Variants in TARBP1 observed in about 807,000 individuals in gnomAD.
TARBP1 encodes the protein tRNA guanosine 2 -O-methyltransferase TARBP1.
Under a neutral mutation model 178.6 loss-of-function variants are expected in TARBP1, and 144 were observed. That is an observed-to-expected ratio of 0.81 (90% CI 0.70 to 0.93). TARBP1 has a LOEUF of 0.93. Among genes scored for constraint, TARBP1 ranks in the 40% least tolerant of loss-of-function variants. TARBP1 has a pLI of 0.00. For synonymous variants in TARBP1, 787 were observed against 781.0 expected, an observed-to-expected ratio of 1.01 and a Z score of -0.13; for missense variants, 2,067 against 2,011.7, an observed-to-expected ratio of 1.03 and a Z score of -0.53.
At chr1:234,431,593 T>G (rs903214511) in intron 14 of TARBP1, among the ~76,000 whole-genome samples, 10 of 152,258 alleles carry the variant, frequency 6.6e-5, no homozygotes, top group Admixed American at 2.0e-4. Flanking sequence ...TTACCACATG[T>G]TAAGTGAAAA....
intron 17 of TARBP1, 23 bp downstream of exon 17, chr1:234,429,101 GAAAAGAAAAGCA>G: frequency 6.6e-7 from 1 of 1,521,628 alleles, no homozygotes; most frequent in Middle Eastern, 1.8e-4. Context: ...TCACACACAT[GAAAAGAAAAGCA>G]AAAAGAAAAG....
intron 27 of TARBP1, 75 bp downstream of exon 27, chr1:234,393,571 G>A (rs568423216): frequency 1.5e-5 from 23 of 1,576,564 alleles, no homozygotes; most frequent in South Asian, 3.5e-5. Flanking sequence ...TGAAGCTCCC[G>A]TGGCAGTGGA....
At chr1:234,393,057 G>A (rs1659556322) in intron 28 of TARBP1, among the ~76,000 whole-genome samples, 1 of 152,088 alleles carries the variant, frequency 6.6e-6, no homozygotes, top group South Asian at 2.1e-4. Context: ...CCTACATCAA[G>A]AGTGGGCTGT....
In TARBP1 at chr1:234,433,409, C is replaced by A; in HGVS notation, c.2394+1G>T. 1 of 1,613,568 alleles carries A rather than the reference C, an allele frequency of 6.2e-7. No individual in the cohort carries two copies. The highest frequency in any genetic ancestry group is 8.5e-7 in the Non-Finnish European group (1 of 1,179,908). On this transcript the variant is annotated splice_donor_variant, in intron 14 of 29. Transcript: ENST00000040877. LOFTEE classifies it high-confidence loss of function. ...ACAAACCTTGAATCAAAGAGGCTTA[C>A]CTGTCCACTGTCCATCTCTTGAAGA...
chr1:234,448,693 T>G, intron 10 of TARBP1, 114 bp from the exon 11 acceptor site: 146 of 718,818 alleles, frequency 2.0e-4, no homozygotes, highest in Non-Finnish European at 2.8e-4. Flanking sequence ...ATGAGAGAAA[T>G]ACAACCGAGA....
chr1:234,414,533 G>C (rs1662202011), intron 22 of TARBP1, among the ~76,000 whole-genome samples: 1 of 152,178 alleles, frequency 6.6e-6, no homozygotes, highest in African/African-American at 2.4e-5. Flanking sequence ...GCAAGAATAA[G>C]AAAATGGTCA....
chr1:234,450,641 G>A (rs1558227307), intron 9 of TARBP1, 75 bp from the exon 10 acceptor site: 24 of 1,490,406 alleles, frequency 1.6e-5, no homozygotes, highest in African/African-American at 1.4e-4. Flanking sequence ...CTTAAGCCAC[G>A]TTTCTTTCTT....
At chr1:234,429,828 T>G (rs1558194178) in intron 15 of TARBP1, 151 bp from the exon 16 acceptor site, 1 of 984,756 alleles carries the variant, frequency 1.0e-6, no homozygotes, top group East Asian at 2.5e-5. Context: ...TACCAAAAAC[T>G]AAGGAAACCA....
At chr1:234,461,296 G>C (rs1667832097) in intron 6 of TARBP1, among the ~76,000 whole-genome samples, 1 of 150,814 alleles carries the variant, frequency 6.6e-6, no homozygotes, top group Non-Finnish European at 1.5e-5. Context: ...TTTTTAAAAG[G>C]TAATTTTTTG....
rs780439799 is a variant in TARBP1, at chr1:234,429,529, G to A, written c.2758C>T (p.Pro920Ser). The A allele has an allele frequency of 4.0e-5, 64 of 1,614,040 alleles. No homozygotes were observed. Among genetic ancestry groups the A allele is most frequent in the Non-Finnish European group, 5.3e-5 (62 of 1,180,050 alleles). Reference protein sequence around the residue: ...TGSEILEPFLPAVQMPIRTLQ... With the variant: ...TGSEILEPFLSAVQMPIRTLQ... ...GTCCTTATTGGCATCTGAACGGCAGGTAGAAACGGTTCCAGAATTTCACTC... is the reference window on the plus strand; with the variant it reads ...GTCCTTATTGGCATCTGAACGGCAGATAGAAACGGTTCCAGAATTTCACTC... Residue 920 changes from proline to serine, a missense_variant, in exon 16 of 30, where the codon CCT becomes TCT. Pro to Ser is a moderately conservative substitution (Grantham distance 74). Coordinates refer to ENST00000040877, the MANE Select transcript of TARBP1 (RefSeq NM_005646.4).
intron 3 of TARBP1, among the ~76,000 whole-genome samples, chr1:234,469,076 T>TAA (rs1558255953): frequency 2.4e-4 from 3 of 12,276 alleles, no homozygotes; most frequent in South Asian, 7.2e-3. Flanking sequence ...TTTTTTTTTT[T>TAA]TAAAAAAAAA....
chr1:234,419,128 G>A lies in TARBP1; in HGVS notation c.3556-895C>T, dbSNP rs189947070. On this transcript the variant is annotated intron_variant, in intron 21 of 29. Transcript: ENST00000040877. The stretch of plus-strand genomic sequence containing the variant: ...GCGGAGCCTGCAGTGAGCCGAGATC[G>A]TGCCACTGCACTCCAGCCTGGGTGA... 4.3e-3 allele frequency among the ~76,000 whole-genome samples: 649 copies of A among 152,062 alleles called. 2 individuals are homozygous for A. The highest frequency in any genetic ancestry group is 6.8e-3 in the Middle Eastern group (2 of 294).
chr1:234,460,357 C>T lies in TARBP1; in HGVS notation c.1439G>A (p.Arg480Lys). 2 of 1,614,192 alleles carry T rather than the reference C, an allele frequency of 1.2e-6. No homozygotes were observed. The highest frequency in any genetic ancestry group is 2.2e-5 in the East Asian group (1 of 44,878). Residue 480 changes from arginine to lysine, a missense_variant, in exon 7 of 30, where the codon AGG (arginine) becomes AAG (lysine). Arg to Lys is a conservative substitution (Grantham distance 26). Transcript: ENST00000040877. ...CAAAATGGGAACAGCACACCAATGCCTACTTGTCATCTTCCGAATAAACTT... is the reference window on the plus strand; with the variant it reads ...CAAAATGGGAACAGCACACCAATGCTTACTTGTCATCTTCCGAATAAACTT... ...LLKFIRKMTSRHWCAVPILFL... is the reference protein window; with the variant it reads ...LLKFIRKMTSKHWCAVPILFL...
intron 23 of TARBP1, 174 bp from the exon 24 acceptor site, chr1:234,406,273 CAT>C (rs1212336869): frequency 1.7e-6 from 1 of 601,288 alleles, no homozygotes; most frequent in African/African-American, 1.9e-5. Flanking sequence ...GGTGCACAGG[CAT>C]TTGCAATTTA....
Position 234,425,943 on chromosome 1 carries a change from T to C in TARBP1, c.3324-150A>G. 1.1e-5 allele frequency: 7 copies of C among 613,540 alleles called. No individual in the cohort carries two copies. In the South Asian group the frequency reaches 1.7e-4, roughly 15 times the overall value. The allele number at this position is 613,540 out of a possible 1,614,324, so 38.0% of individuals were successfully genotyped here. On this transcript the variant is annotated intron_variant, in intron 19 of 29. Coordinates refer to ENST00000040877, the MANE Select transcript of TARBP1 (RefSeq NM_005646.4). ...CATACTTAATGACAATACTTTTTAA[T>C]TTAGAATAGATAACAGAAGATAACA...
intron 9 of TARBP1, among the ~76,000 whole-genome samples, chr1:234,451,348 T>C (rs531344070): frequency 1.3e-5 from 2 of 152,246 alleles, no homozygotes; most frequent in African/African-American, 4.8e-5. Context: ...AATGAGTCTT[T>C]CTAAAAAGTA....
intron 3 of TARBP1, among the ~76,000 whole-genome samples, chr1:234,469,093 G>GAAAAAAAAAAAAA (rs1668791000): frequency 6.1e-5 from 6 of 98,214 alleles, no homozygotes; most frequent in African/African-American, 1.9e-4. Context: ...AAAAAAAAAG[G>GAAAAAAAAAAAAA]CAAAAACCGC....
chr1:234,469,340 G>C (rs1448092728), intron 3 of TARBP1, among the ~76,000 whole-genome samples: 5 of 152,036 alleles, frequency 3.3e-5, no homozygotes, highest in Non-Finnish European at 5.9e-5. Context: ...CAAGATGCTT[G>C]TTCAACTCTT....
intron 20 of TARBP1, among the ~76,000 whole-genome samples, chr1:234,423,371 C>A (rs563573360): frequency 6.6e-6 from 1 of 152,154 alleles, no homozygotes; most frequent in Non-Finnish European, 1.5e-5. Flanking sequence ...TACAAACATG[C>A]TCCAATTATC....
Sources: allele counts gnomAD v4.1 joint callset (sites outside exome capture counted in the v4.1 genomes callset), GRCh38; gene constraint gnomAD v4.1.1; transcripts MANE v1.5; gene names NCBI Gene and HGNC (gene_info 2026-07-23, HGNC 2026-07-21).